CNTNAP2: variants seen among roughly 807,000 people sequenced by gnomAD.
CNTNAP2 encodes contactin associated protein 2, also known as contactin-associated protein-like 2.
CNTNAP2 carries 98 observed loss-of-function variants against 155.2 expected under a neutral mutation model. The observed-to-expected ratio is 0.63, with a 90% CI of 0.54 to 0.75. CNTNAP2 has a LOEUF of 0.75. Among genes scored for constraint, CNTNAP2 ranks in the 30% least tolerant of loss-of-function variants. The pLI is 0.00. For missense variants in CNTNAP2, 1,727 were observed against 1,688.1 expected, an observed-to-expected ratio of 1.02 and a Z score of -0.40; for synonymous variants, 651 against 631.2, an observed-to-expected ratio of 1.03 and a Z score of -0.47.
At chr7:146,706,774 A>G (rs924126484) in intron 1 of CNTNAP2, among the ~76,000 whole-genome samples, 5 of 152,212 alleles carry the variant, frequency 3.3e-5, no homozygotes, top group Admixed American at 1.3e-4. Context: ...CAGAGAGTGG[A>G]CGGTGGGAGC....
intron 1 of CNTNAP2, among the ~76,000 whole-genome samples, chr7:146,742,169 G>A (rs954747981): frequency 2.0e-5 from 3 of 151,194 alleles, no homozygotes; most frequent in Admixed American, 6.6e-5. Flanking sequence ...TTTACTGATT[G>A]CTTATTTTGC....
At chr7:146,129,517 C>T (rs13244554) in intron 1 of CNTNAP2, among the ~76,000 whole-genome samples, 2 of 152,082 alleles carry the variant, frequency 1.3e-5, no homozygotes, top group Non-Finnish European at 2.9e-5. Flanking sequence ...CAACTGCTCC[C>T]TAAGAAATGG....
chr7:146,318,463 T>C (rs1328183997), intron 1 of CNTNAP2, among the ~76,000 whole-genome samples: 1 of 152,096 alleles, frequency 6.6e-6, no homozygotes, highest in Admixed American at 6.6e-5. Context: ...ATTTAAAAAA[T>C]GTCTTATAGG....
chr7:146,985,724 T>C (rs1030835627), intron 3 of CNTNAP2, among the ~76,000 whole-genome samples: 1 of 152,128 alleles, frequency 6.6e-6, no homozygotes, highest in Non-Finnish European at 1.5e-5. Context: ...TCACAAATAT[T>C]CTCCCTTTTC....
chr7:148,037,560 C>T (rs1376756454), intron 15 of CNTNAP2, among the ~76,000 whole-genome samples: 1 of 152,198 alleles, frequency 6.6e-6, no homozygotes, highest in Non-Finnish European at 1.5e-5. Context: ...CTGTGTTGAA[C>T]TATAAATACA....
chr7:148,160,835 T>C (rs1206560182), intron 17 of CNTNAP2, among the ~76,000 whole-genome samples: 3 of 152,216 alleles, frequency 2.0e-5, no homozygotes, highest in Non-Finnish European at 2.9e-5. Flanking sequence ...ATATTGTTTG[T>C]TCTGGAAATA....
chr7:147,439,671 C>T lies in CNTNAP2; in HGVS notation c.1670+43891C>T, dbSNP rs562143977. Among the ~76,000 whole-genome samples the T allele has an allele frequency of 3.9e-5, 6 of 151,954 alleles. No individual in the cohort carries two copies. The South Asian group carries it at 6.2e-4, about 16-fold the overall frequency. On this transcript the variant is annotated intron_variant, in intron 10 of 23. Coordinates refer to ENST00000361727, the MANE Select transcript of CNTNAP2 (RefSeq NM_014141.6). Reference sequence around the variant, plus strand: ...TCTGAAAGATCTGTCCAATTCTGAACGTGGGGTGTTGAAATCTCCAGCTGT... The same window carrying T: ...TCTGAAAGATCTGTCCAATTCTGAATGTGGGGTGTTGAAATCTCCAGCTGT...
At chr7:146,812,834 G>C (rs960111565) in intron 2 of CNTNAP2, among the ~76,000 whole-genome samples, 1 of 152,152 alleles carries the variant, frequency 6.6e-6, no homozygotes, top group Non-Finnish European at 1.5e-5. Flanking sequence ...CTGGACCCAG[G>C]GTCCCCCTGC....
At chr7:148,402,489 T>C (rs1220935248) in intron 22 of CNTNAP2, among the ~76,000 whole-genome samples, 2 of 152,222 alleles carry the variant, frequency 1.3e-5, no homozygotes, top group African/African-American at 4.8e-5. Flanking sequence ...AATAAAACAA[T>C]GTCCCTTATA....
chr7:147,325,248 C>T (rs112905244), intron 9 of CNTNAP2, among the ~76,000 whole-genome samples: 1,647 of 152,158 alleles, frequency 0.011, 30 homozygotes, highest in African/African-American at 0.038. Flanking sequence ...TGCAGTGAGC[C>T]GAGATCGCGC....
intron 13 of CNTNAP2, among the ~76,000 whole-genome samples, chr7:147,725,214 G>A (rs985483969): frequency 4.0e-5 from 6 of 148,814 alleles, no homozygotes; most frequent in African/African-American, 1.5e-4. Flanking sequence ...TATCCATTTT[G>A]TACTTAAAAA....
At chr7:146,311,733 G>C (rs765564513) in intron 1 of CNTNAP2, 10 of 151,522 alleles carry the variant, frequency 6.6e-5, no homozygotes, top group Non-Finnish European at 1.0e-4. Context: ...TGATCTGAGT[G>C]CAGTGGTGTT....
At chr7:146,888,507 C>T (rs1795713847) in intron 3 of CNTNAP2, among the ~76,000 whole-genome samples, 1 of 152,196 alleles carries the variant, frequency 6.6e-6, no homozygotes, top group South Asian at 2.1e-4. Flanking sequence ...TAACTATATT[C>T]TAATGCTTTC....
intron 1 of CNTNAP2, among the ~76,000 whole-genome samples, chr7:146,354,631 T>A (rs1794971178): frequency 6.6e-6 from 1 of 152,044 alleles, no homozygotes; most frequent in Admixed American, 6.6e-5. Flanking sequence ...GCCAGGCTGA[T>A]GTCAAATTCC....
intron 8 of CNTNAP2, among the ~76,000 whole-genome samples, chr7:147,293,574 G>T (rs1002790874): frequency 3.9e-5 from 6 of 152,082 alleles, no homozygotes; most frequent in African/African-American, 1.4e-4. Context: ...TTGATCACAA[G>T]ACTGAAAACT....
chr7:146,158,004 C>A (rs1798155474), intron 1 of CNTNAP2, among the ~76,000 whole-genome samples: 1 of 152,146 alleles, frequency 6.6e-6, no homozygotes, highest in South Asian at 2.1e-4. Flanking sequence ...CAACTGACAC[C>A]TCATACAGCC....
chr7:148,279,847 G>A (rs376170301), intron 21 of CNTNAP2, among the ~76,000 whole-genome samples: 2 of 152,114 alleles, frequency 1.3e-5, no homozygotes, highest in Non-Finnish European at 1.5e-5. Context: ...CTAGAGAATC[G>A]TGCCAATGGA....
intron 1 of CNTNAP2, among the ~76,000 whole-genome samples, chr7:146,199,720 G>T (rs577793844): frequency 6.6e-6 from 1 of 152,250 alleles, no homozygotes; most frequent in Non-Finnish European, 1.5e-5. Flanking sequence ...GGTCAATAGA[G>T]AAATTAGAGA....
At chr7:146,534,226 A>G (rs983353509) in intron 1 of CNTNAP2, among the ~76,000 whole-genome samples, 16 of 152,260 alleles carry the variant, frequency 1.1e-4, no homozygotes, top group Middle Eastern at 6.8e-3. Flanking sequence ...TACAAATAAA[A>G]TTGAACTTGA....
Sources: gnomAD v4.1 joint callset for allele counts (sites outside exome capture counted in the v4.1 genomes callset) on GRCh38, gnomAD v4.1.1 for gene constraint, MANE v1.5 for transcripts, NCBI Gene and HGNC (gene_info 2026-07-23, HGNC 2026-07-21) for gene names.